Variants in FGD4 observed in about 807,000 individuals in gnomAD.
FGD4 encodes the protein FYVE, RhoGEF and PH domain containing 4.
In FGD4, 42 loss-of-function variants were observed where a neutral mutation model predicts 102.0. The observed-to-expected ratio is 0.41, with a 90% CI of 0.32 to 0.53. The LOEUF is 0.53. FGD4 is among the 20% of genes least tolerant of loss of function. FGD4 has a pLI of 0.21. For synonymous variants in FGD4, 380 were observed against 375.7 expected, an observed-to-expected ratio of 1.01 and a Z score of -0.13; for missense variants, 902 against 1,078.2, an observed-to-expected ratio of 0.84 and a Z score of 2.29.
chr12:32,608,732 A>C (rs999320580), intron 8 of FGD4, among the ~76,000 whole-genome samples: 5 of 152,198 alleles, frequency 3.3e-5, no homozygotes, highest in African/African-American at 1.2e-4. Flanking sequence ...AAAATTTAAG[A>C]AATAACAGTG....
At chr12:32,520,123 T>G (rs1438855125) in intron 1 of FGD4, among the ~76,000 whole-genome samples, 1 of 152,184 alleles carries the variant, frequency 6.6e-6, no homozygotes, top group Non-Finnish European at 1.5e-5. Flanking sequence ...TGTGACTTAG[T>G]AAGTGCATCC....
chr12:32,415,057 A>G (rs1453563743), intron 1 of FGD4, among the ~76,000 whole-genome samples: 1 of 152,160 alleles, frequency 6.6e-6, no homozygotes, highest in Non-Finnish European at 1.5e-5. Flanking sequence ...ATTCAGGAGC[A>G]TATTATTTAA....
rs764690095 is a variant in FGD4, at chr12:32,610,759, C to T, written c.1544-17C>T. The T allele has an allele frequency of 6.2e-7, 1 of 1,606,338 alleles. No individual in the cohort carries two copies. Among genetic ancestry groups the T allele is most frequent in the East Asian group, 2.2e-5 (1 of 44,746 alleles). ...GGACAAAGCATATTTATTTACTTTTCTTTTTTTCCCATTTAGAATCACTTG... is the reference window on the plus strand; with the variant it reads ...GGACAAAGCATATTTATTTACTTTTTTTTTTTTCCCATTTAGAATCACTTG... On this transcript the variant is annotated splice_polypyrimidine_tract_variant and intron_variant, in intron 8 of 16. Transcript: ENST00000534526.
chr12:32,491,305 G>A (rs992140196), intron 1 of FGD4, among the ~76,000 whole-genome samples: 4 of 152,106 alleles, frequency 2.6e-5, no homozygotes, highest in Admixed American at 1.3e-4. Context: ...AAATGAATTT[G>A]CAATTTAAGA....
chr12:32,627,202 T>C (rs1950229251), intron 14 of FGD4, among the ~76,000 whole-genome samples: 1 of 151,326 alleles, frequency 6.6e-6, no homozygotes. Context: ...TCGCCCAGGC[T>C]GGAGTGCAAT....
At chr12:32,443,535 T>TTTG (rs1244656652) in intron 1 of FGD4, among the ~76,000 whole-genome samples, 2 of 119,444 alleles carry the variant, frequency 1.7e-5, no homozygotes, top group Admixed American at 8.4e-5. Context: ...GTGTTTTAGG[T>TTTG]TTTTTTTTTT....
At position 32,583,645 on chromosome 12, in the gene FGD4, C is replaced by T. The variant is rs182999268; in HGVS notation, c.1011+1178C>T. ...TTGATGAACTGCCTGGATGGGGTTTCTGCTCATATGCACAATGTCAGCTAA... is the reference window on the plus strand; with the variant it reads ...TTGATGAACTGCCTGGATGGGGTTTTTGCTCATATGCACAATGTCAGCTAA... On this transcript the variant is annotated intron_variant, in intron 4 of 16. Coordinates refer to ENST00000534526, the MANE Select transcript of FGD4 (RefSeq NM_001370298.3). Among the ~76,000 whole-genome samples, 369 of 152,302 alleles carry T rather than the reference C, an allele frequency of 2.4e-3. 1 individual carries two copies. The highest frequency in any genetic ancestry group is 6.8e-3 in the Middle Eastern group (2 of 294).
intron 1 of FGD4, among the ~76,000 whole-genome samples, chr12:32,497,998 C>A (rs11052030): frequency 0.05 from 7,652 of 152,214 alleles, 268 homozygotes; most frequent in South Asian, 0.1. Context: ...TGCTCTAAGC[C>A]AGCATCCTCC....
At chr12:32,635,423 C>A (rs1433046904) in intron 15 of FGD4, among the ~76,000 whole-genome samples, 1 of 152,082 alleles carries the variant, frequency 6.6e-6, no homozygotes, top group Non-Finnish European at 1.5e-5. Context: ...CTTATTAGGT[C>A]AACTCATATA....
intron 1 of FGD4, among the ~76,000 whole-genome samples, chr12:32,553,533 A>G (rs946365800): frequency 1.3e-5 from 2 of 152,240 alleles, no homozygotes; most frequent in Non-Finnish European, 2.9e-5. Context: ...CATTGTTGAT[A>G]TGCTTAAGAA....
chr12:32,581,822 C>A, intron 3 of FGD4, 138 bp from the exon 4 acceptor site: 1 of 907,302 alleles, frequency 1.1e-6, no homozygotes, highest in Non-Finnish European at 1.7e-6. Context: ...TAAGAATATT[C>A]AAATCCATGT....
chr12:32,412,018 T>G (rs1053433678), intron 1 of FGD4, among the ~76,000 whole-genome samples: 3 of 152,192 alleles, frequency 2.0e-5, no homozygotes, highest in African/African-American at 7.2e-5. Flanking sequence ...TACAGATTTA[T>G]TAACGTGCAC....
At chr12:32,541,956 C>A (rs1011964256) in intron 1 of FGD4, among the ~76,000 whole-genome samples, 2 of 134,732 alleles carry the variant, frequency 1.5e-5, no homozygotes, top group African/African-American at 6.3e-5. Context: ...TGCTTTTTTC[C>A]TCAGGGAAAA....
At chr12:32,409,284 T>TAAATC (rs1941094523) in intron 1 of FGD4, among the ~76,000 whole-genome samples, 1 of 111,180 alleles carries the variant, frequency 9.0e-6, no homozygotes, top group African/African-American at 4.4e-5. Context: ...TAATTTTTCT[T>TAAATC]TTTTTTCTTT....
chr12:32,438,079 A>G (rs1942294134), intron 1 of FGD4, among the ~76,000 whole-genome samples: 1 of 152,148 alleles, frequency 6.6e-6, no homozygotes, highest in South Asian at 2.1e-4. Flanking sequence ...TTTAGTAGAG[A>G]CTGGGTTTCG....
intron 5 of FGD4, chr12:32,600,516 T>G: frequency 8.4e-7 from 1 of 1,193,918 alleles, no homozygotes; most frequent in Non-Finnish European, 1.1e-6. Context: ...AGAGGTATAG[T>G]AGCCCTAGTG....
chr12:32,587,873 G>A (rs927004058), intron 4 of FGD4, among the ~76,000 whole-genome samples: 1 of 152,168 alleles, frequency 6.6e-6, no homozygotes, highest in Non-Finnish European at 1.5e-5. Context: ...TATTAATTAA[G>A]CAAGTGGAAC....
chr12:32,502,170 C>T, intron 1 of FGD4: 3 of 985,512 alleles, frequency 3.0e-6, no homozygotes, highest in Non-Finnish European at 3.6e-6. Context: ...ATTATCCTTG[C>T]TGGGCTGGGA....
chr12:32,432,038 C>T (rs1436408801), intron 1 of FGD4, among the ~76,000 whole-genome samples: 1 of 149,294 alleles, frequency 6.7e-6, no homozygotes, highest in African/African-American at 2.5e-5. Flanking sequence ...TGGCTCATGC[C>T]TGTAATCCTA....
Sources: allele counts gnomAD v4.1 joint callset (sites outside exome capture counted in the v4.1 genomes callset), GRCh38; gene constraint gnomAD v4.1.1; transcripts MANE v1.5; gene names NCBI Gene and HGNC (gene_info 2026-07-23, HGNC 2026-07-21).